Variants in TCF20 observed in about 807,000 individuals in gnomAD.
The protein encoded by TCF20 is SPRE-binding protein.
In TCF20, 3 loss-of-function variants were observed where a neutral mutation model predicts 148.6. The ratio of observed to expected loss-of-function variants is 0.02; its 90% CI spans 0.01 to 0.05. TCF20 has a LOEUF of 0.05. Ranked by LOEUF, TCF20 falls within the 10% of genes least tolerant of loss-of-function variation. TCF20 has a pLI of 1.00. For synonymous variants in TCF20, 1,049 were observed against 909.5 expected (o/e 1.15, Z -2.76); for missense variants, 2,350 against 2,429.3 (o/e 0.97, Z 0.69).
intron 1 of TCF20, among the ~76,000 whole-genome samples, chr22:42,329,015 G>A (rs1339299750): frequency 6.6e-6 from 1 of 152,198 alleles, no homozygotes; most frequent in Non-Finnish European, 1.5e-5. Context: ...GGGTCTCCCA[G>A]CACCCTCCAC....
At chr22:42,236,216 GACA>G (rs1237311711) in intron 1 of TCF20, among the ~76,000 whole-genome samples, 1 of 151,606 alleles carries the variant, frequency 6.6e-6, no homozygotes, top group Non-Finnish European at 1.5e-5. Context: ...ACAAGTAAAA[GACA>G]ACAAGGAAAA....
chr22:42,322,443 C>T lies in TCF20; in HGVS notation c.-37+21036G>A, dbSNP rs529959940. On this transcript the variant is annotated intron_variant, in intron 1 of 1. Transcript: ENST00000515426. ...CAGAGCCACAGACAGGGCCCTTCCT[C>T]GAGATCACACGTCAGCAGTGAAGAT... is the stretch of plus-strand genomic sequence containing the variant. Among the ~76,000 whole-genome samples the T allele has an allele frequency of 1.2e-4, 18 of 151,870 alleles. 1 individual carries two copies. The highest frequency in any genetic ancestry group is 1.7e-4 in the African/African-American group (7 of 41,492).
chr22:42,231,894 A>G (rs1258966568), intron 1 of TCF20, among the ~76,000 whole-genome samples: 2 of 147,190 alleles, frequency 1.4e-5, no homozygotes, highest in Non-Finnish European at 1.5e-5. Flanking sequence ...AAGCCACCGC[A>G]CTCCAGCCTG....
At chr22:42,254,584 C>A (rs1925617238) in intron 1 of TCF20, among the ~76,000 whole-genome samples, 1 of 152,224 alleles carries the variant, frequency 6.6e-6, no homozygotes, top group African/African-American at 2.4e-5. Flanking sequence ...TGCCCTAAGG[C>A]AGGACTCTAA....
At chr22:42,208,911 C>T (rs1444696503) in intron 2 of TCF20, among the ~76,000 whole-genome samples, 2 of 152,108 alleles carry the variant, frequency 1.3e-5, no homozygotes, top group Admixed American at 6.6e-5. Flanking sequence ...TAGTCAAGAC[C>T]TATCATTTTG....
In TCF20 at chr22:42,299,999, G is replaced by A. The variant is rs8137939; in HGVS notation, c.-37+43480C>T. On this transcript the variant is annotated intron_variant, in intron 1 of 1. Transcript: ENST00000515426. The surrounding 1 kb of genome is among the most constrained non-coding windows in gnomAD (Gnocchi z 4.1). ...GGGGAGGGGCGCGCTGAAATCACCC[G>A]CAACATCAAAGCCTTCCCCAGCCGC... Among the ~76,000 whole-genome samples the A allele has an allele frequency of 0.4, 60,600 of 150,578 alleles. 12,915 individuals are homozygous for A. The highest frequency in any genetic ancestry group is 0.52 in the Middle Eastern group (153 of 294).
chr22:42,342,613 G>A (rs1928187132), intron 1 of TCF20, among the ~76,000 whole-genome samples: 1 of 152,344 alleles, frequency 6.6e-6, no homozygotes, highest in East Asian at 1.9e-4. Flanking sequence ...GGCCGGGTGT[G>A]TGGCTAGGCA....
chr22:42,240,630 G>A (rs1389302881), intron 1 of TCF20, among the ~76,000 whole-genome samples: 1 of 152,128 alleles, frequency 6.6e-6, no homozygotes, highest in African/African-American at 2.4e-5. Context: ...GGCATTTGTT[G>A]ATTTGCCAGT....
In TCF20 at chr22:42,219,355, C is replaced by CAAAAAAAAAAAAAAAAAAAAAAAA. The variant is rs528664836; in HGVS notation, c.-36-4038_-36-4015dup. ...ACCCTGGGTGACAGTAACCCTGTCTCAAAAAAAAAAAAAAAAAAAAAAAAA... is the reference window on the plus strand; with the variant it reads ...ACCCTGGGTGACAGTAACCCTGTCTCAAAAAAAAAAAAAAAAAAAAAAAAAAAAAAAAAAAAAAAAAAAAAAAAA... On this transcript the variant is annotated intron_variant, in intron 1 of 5. Transcript: ENST00000677622. 1.4e-3 allele frequency among the ~76,000 whole-genome samples: 59 copies of CAAAAAAAAAAAAAAAAAAAAAAAA among 43,554 alleles called. 5 individuals are homozygous for CAAAAAAAAAAAAAAAAAAAAAAAA. The highest frequency in any genetic ancestry group is 1.7e-3 in the Non-Finnish European group (40 of 23,256). The allele number at this position is 43,554 out of a possible 152,430, so 28.6% of individuals were successfully genotyped here. A position where few individuals can be genotyped will look rare whatever the true frequency, so the allele number is the denominator to read the frequency against.
intron 1 of TCF20, among the ~76,000 whole-genome samples, chr22:42,321,100 G>A (rs550239968): frequency 2.6e-5 from 4 of 152,364 alleles, no homozygotes; most frequent in East Asian, 1.9e-4. Flanking sequence ...AAAGCCGCGC[G>A]CAAGCAATTC....
chr22:42,311,996 C>T (rs377105899), intron 1 of TCF20, among the ~76,000 whole-genome samples: 26 of 152,268 alleles, frequency 1.7e-4, no homozygotes, highest in East Asian at 5.8e-4. Context: ...GAATCACAAA[C>T]GGTAAAACTT....
At chr22:42,308,586 C>T (rs939793294) in intron 1 of TCF20, among the ~76,000 whole-genome samples, 4 of 152,150 alleles carry the variant, frequency 2.6e-5, no homozygotes, top group African/African-American at 9.7e-5. Context: ...ACAACGTCCC[C>T]AGGGTCTTAG....
chr22:42,176,979 A>C (rs1936490821), intron 3 of TCF20, among the ~76,000 whole-genome samples: 1 of 152,226 alleles, frequency 6.6e-6, no homozygotes, highest in Admixed American at 6.5e-5. Flanking sequence ...GTATAGTTTC[A>C]AATGACTAGA....
chr22:42,321,722 C>A (rs992893339), intron 1 of TCF20, among the ~76,000 whole-genome samples: 1 of 151,504 alleles, frequency 6.6e-6, no homozygotes, highest in Non-Finnish European at 1.5e-5. Context: ...GGAGGTGGGC[C>A]GATCACCTGA....
intron 1 of TCF20, among the ~76,000 whole-genome samples, chr22:42,328,775 A>G (rs554360765): frequency 2.6e-5 from 4 of 152,302 alleles, no homozygotes; most frequent in South Asian, 4.1e-4. Flanking sequence ...TCACTGGTTC[A>G]CTAAACCCCT....
intron 1 of TCF20, among the ~76,000 whole-genome samples, chr22:42,336,336 G>A (rs1601711288): frequency 6.6e-6 from 1 of 151,950 alleles, no homozygotes; most frequent in East Asian, 1.9e-4. Context: ...GCTGGGCCTC[G>A]GCTCCCGCCC....
At chr22:42,234,214 A>T (rs1056021902) in intron 1 of TCF20, among the ~76,000 whole-genome samples, 4 of 152,250 alleles carry the variant, frequency 2.6e-5, no homozygotes, top group African/African-American at 4.8e-5. Flanking sequence ...AAGAAAATAT[A>T]GGAGGGGACA....
upstream of TCF20, among the ~76,000 whole-genome samples, chr22:42,270,817 C>A (rs1030208425): frequency 2.7e-3 from 396 of 147,702 alleles, 9 homozygotes; most frequent in East Asian, 0.021. Flanking sequence ...TCGAGGCTGG[C>A]GCGCGCCGGG....
chr22:42,286,518 G>A (rs1020264394), upstream of TCF20, among the ~76,000 whole-genome samples: 1 of 152,196 alleles, frequency 6.6e-6, no homozygotes, highest in Non-Finnish European at 1.5e-5. Flanking sequence ...AAGATTACAT[G>A]AGATAAGAGA....
Sources: allele counts gnomAD v4.1 joint callset (sites outside exome capture counted in the v4.1 genomes callset), GRCh38; gene constraint gnomAD v4.1.1; non-coding constraint Gnocchi (gnomAD v3.1); transcripts MANE v1.5; gene names NCBI Gene and HGNC (gene_info 2026-07-23, HGNC 2026-07-21).